OTOP1: variants seen among roughly 807,000 people sequenced by gnomAD.
OTOP1 encodes the protein proton channel OTOP1.
OTOP1 carries 59 observed loss-of-function variants against 52.9 expected under a neutral mutation model. The observed-to-expected ratio is 1.12, with a 90% CI of 0.91 to 1.39. The LOEUF is 1.39. Among genes scored for constraint, OTOP1 ranks in the 40% most tolerant of loss-of-function variants. The probability of loss-of-function intolerance (pLI) is 0.00; values close to 1 mark genes in which losing one functional copy is unlikely to be tolerated. For synonymous variants in OTOP1, 317 were observed against 337.7 expected (o/e 0.94, Z 0.67); for missense variants, 761 against 800.9 (o/e 0.95, Z 0.60).
intron 1 of OTOP1, among the ~76,000 whole-genome samples, chr4:4,225,566 C>CA (rs60600637): frequency 0.052 from 5,832 of 111,444 alleles, 364 homozygotes; most frequent in Admixed American, 0.17. Flanking sequence ...AACATTGTCT[C>CA]AAAAAAAAAA....
Position 4,207,810 on chromosome 4 carries a change from A to G in OTOP1, c.541-1680T>C, listed in dbSNP as rs189802408. 1.3e-3 allele frequency among the ~76,000 whole-genome samples: 191 copies of G among 152,330 alleles called. 1 individual carries two copies. The highest frequency in any genetic ancestry group is 4.1e-3 in the African/African-American group (172 of 41,576). On this transcript the variant is annotated intron_variant, in intron 2 of 5. Transcript: ENST00000296358. ...TTAGAAGTTTATTTTGCCAAGATTA[A>G]GGACACGCATCTGGGAGACAGGTCT...
At chr4:4,223,439 A>ATGGATGGT (rs757856022) in intron 1 of OTOP1, among the ~76,000 whole-genome samples, 1 of 140,514 alleles carries the variant, frequency 7.1e-6, no homozygotes, top group African/African-American at 2.8e-5. Context: ...GGATGGATGG[A>ATGGATGGT]TGGATGATGA....
At chr4:4,213,103 G>T in intron 1 of OTOP1, 99 bp from the exon 2 acceptor site, 1 of 1,402,696 alleles carries the variant, frequency 7.1e-7, no homozygotes, top group Non-Finnish European at 9.7e-7. Flanking sequence ...AAACCCTTAT[G>T]TATATGGTCA....
chr4:4,206,100 T>C lies in OTOP1; in HGVS notation c.571A>G (p.Ile191Val), dbSNP rs1448927117. ...VYFLWGHAKD[I>V]IQSFKTLERF... is the part of the protein sequence containing the mutation. ...TCCAGTGTTTTGAAAGACTGGATAA[T>C]ATCCTTTGCATGCCCCCAAAGAAAA... The change falls in exon 3 of 6, where the codon ATT becomes GTT. Residue 191 changes from isoleucine to valine, a missense_variant. Physicochemically the swap from Ile to Val is conservative, Grantham distance 29. Around this residue, in one of 3 missense-constraint regions of OTOP1, gnomAD observed 632 missense variants for 619.5 expected, o/e 1.02. Coordinates refer to ENST00000296358, the MANE Select transcript of OTOP1 (RefSeq NM_177998.3). The C allele has an allele frequency of 6.2e-7, 1 of 1,608,048 alleles. No individual in the cohort carries two copies. The highest frequency in any genetic ancestry group is 2.2e-5 in the East Asian group (1 of 44,846).
intron 3 of OTOP1, among the ~76,000 whole-genome samples, chr4:4,202,825 T>TATAGGAC (rs1162422513): frequency 9.2e-5 from 14 of 152,198 alleles, no homozygotes; most frequent in Non-Finnish European, 1.5e-5. Flanking sequence ...ACTCAATGCC[T>TATAGGAC]ATAGGACATC....
chr4:4,218,778 C>A (rs11935745), intron 1 of OTOP1, among the ~76,000 whole-genome samples: 82,629 of 151,634 alleles, frequency 0.54, 23,098 homozygotes, highest in Non-Finnish European at 0.62. Context: ...AAACACAAAA[C>A]ATTTGCCCAG....
At position 4,205,772 on chromosome 4, in the gene OTOP1, A is replaced by G. The variant is rs565983015; in HGVS notation, c.599+300T>C. Among the ~76,000 whole-genome samples, 13 of 152,300 alleles carry G rather than the reference A, an allele frequency of 8.5e-5. No individual in the cohort carries two copies. In the East Asian group the frequency reaches 2.5e-3, roughly 29 times the overall value. On this transcript the variant is annotated intron_variant, in intron 3 of 5. Coordinates refer to ENST00000296358, the MANE Select transcript of OTOP1 (RefSeq NM_177998.3). ...TATGACGGTTAAAAAAAGAAATTAC[A>G]TTTTCTTCCCTTCATCTCCATTTTA...
chr4:4,205,912 A>C (rs1409712596), intron 3 of OTOP1, among the ~76,000 whole-genome samples, 160 bp downstream of exon 3: 1 of 152,228 alleles, frequency 6.6e-6, no homozygotes, highest in African/African-American at 2.4e-5. Context: ...AGCCAAAAGC[A>C]GTGACCCTCT....
At chr4:4,204,841 G>A (rs1406849919) in intron 3 of OTOP1, among the ~76,000 whole-genome samples, 3 of 151,594 alleles carry the variant, frequency 2.0e-5, no homozygotes, top group East Asian at 1.9e-4. Flanking sequence ...GCGTGATCTC[G>A]GCTCACTGCA....
intron 2 of OTOP1, among the ~76,000 whole-genome samples, chr4:4,207,066 A>T (rs2108801027): frequency 6.6e-6 from 1 of 152,348 alleles, no homozygotes; most frequent in East Asian, 1.9e-4. Flanking sequence ...TATAAAAATA[A>T]AATCAGAGAG....
chr4:4,209,767 TTGGAGCCAGA>T (rs1716984761), intron 2 of OTOP1, among the ~76,000 whole-genome samples: 1 of 152,120 alleles, frequency 6.6e-6, no homozygotes. Flanking sequence ...ACAGCTGTGG[TTGGAGCCAGA>T]GTCATGCAAT....
intron 1 of OTOP1, among the ~76,000 whole-genome samples, chr4:4,224,723 C>T (rs186554590): frequency 3.1e-4 from 47 of 152,330 alleles, no homozygotes; most frequent in African/African-American, 1.1e-3. Context: ...TGAACTAGAT[C>T]CAGTCCCTGA....
rs2108809360 is a variant in OTOP1, at chr4:4,226,919, C to T, written c.-55G>A. On this transcript the variant is annotated 5_prime_UTR_variant, in exon 1 of 6. Coordinates refer to ENST00000296358, the MANE Select transcript of OTOP1 (RefSeq NM_177998.3). ...CGGGGGTGGCTGCCGTCGGGCCCCG[C>T]CTGCGCTCCTGGCTCCTGTCCTTGC... The T allele has an allele frequency of 7.7e-7, 1 of 1,292,754 alleles. No homozygotes were observed. The highest frequency in any genetic ancestry group is 3.1e-5 in the East Asian group (1 of 31,750). 80.1% of individuals were successfully genotyped at this position (1,292,754 alleles called of 1,614,324 possible). A position where few individuals can be genotyped will look rare whatever the true frequency, so the allele number is the denominator to read the frequency against.
At chr4:4,201,463 T>TACACAC (rs200995441) in intron 4 of OTOP1, among the ~76,000 whole-genome samples, 1,738 of 128,336 alleles carry the variant, frequency 0.014, 35 homozygotes, top group African/African-American at 0.048. Context: ...TAAATAAATA[T>TACACAC]ATATATATAC....
intron 1 of OTOP1, among the ~76,000 whole-genome samples, chr4:4,215,312 C>G (rs1717117315): frequency 2.0e-5 from 3 of 152,172 alleles, no homozygotes; most frequent in Admixed American, 2.0e-4. Context: ...AAGAATGTCA[C>G]TGCTCTACTC....
At chr4:4,193,385 C>A (rs1363776949) in intron 5 of OTOP1, among the ~76,000 whole-genome samples, 1 of 152,214 alleles carries the variant, frequency 6.6e-6, no homozygotes, top group East Asian at 1.9e-4. Flanking sequence ...AGTGCCACAG[C>A]TCCTGGAAAT....
intron 2 of OTOP1, among the ~76,000 whole-genome samples, chr4:4,208,167 A>G (rs939291444): frequency 6.6e-6 from 1 of 152,192 alleles, no homozygotes; most frequent in East Asian, 1.9e-4. Flanking sequence ...TCAGCTATCC[A>G]TTTACATTGT....
rs145639298 is a variant in OTOP1 at position 4,189,737 on chromosome 4, G to T, written c.1669-764C>A. Among the ~76,000 whole-genome samples the T allele has an allele frequency of 3.6e-3, 551 of 152,348 alleles. 2 individuals are homozygous for T. The highest frequency in any genetic ancestry group is 0.013 in the African/African-American group (522 of 41,580). On this transcript the variant is annotated intron_variant, in intron 5 of 5. Coordinates refer to ENST00000296358, the MANE Select transcript of OTOP1 (RefSeq NM_177998.3). Reference sequence around the variant, plus strand: ...ACAGGTGGCAGAGCTGCCATGCTGTGAAGCACCCTATGCGGCAAGGGGCCC... The same window carrying T: ...ACAGGTGGCAGAGCTGCCATGCTGTTAAGCACCCTATGCGGCAAGGGGCCC...
chr4:4,204,248 G>C (rs1229686216), intron 3 of OTOP1, among the ~76,000 whole-genome samples: 1 of 152,160 alleles, frequency 6.6e-6, no homozygotes, highest in Non-Finnish European at 1.5e-5. Flanking sequence ...GGGTGTCTGA[G>C]TCAGGTGTTT....
Sources: allele counts gnomAD v4.1 joint callset (sites outside exome capture counted in the v4.1 genomes callset), GRCh38; gene constraint gnomAD v4.1.1; regional missense constraint gnomAD v4.1.1; transcripts MANE v1.5; gene names NCBI Gene and HGNC (gene_info 2026-07-23, HGNC 2026-07-21).